The following STMN1 variants were observed in gnomAD, a reference collection of about 807,000 sequenced individuals.
STMN1 encodes the protein stathmin.
Under a neutral mutation model 19.7 loss-of-function variants are expected in STMN1, and 3 were observed. That is an observed-to-expected ratio of 0.15 (90% CI 0.07 to 0.39). STMN1 has a LOEUF of 0.39. Ranked by LOEUF, STMN1 falls within the 10% of genes least tolerant of loss-of-function variation. STMN1 has a pLI of 1.00. For synonymous variants in STMN1, 59 were observed against 58.9 expected, an observed-to-expected ratio of 1.00 and a Z score of -0.01; for missense variants, 99 against 176.0, an observed-to-expected ratio of 0.56 and a Z score of 2.48.
At chr1:25,885,622 C>G in exon 5 of STMN1, 1 of 1,414,118 alleles carries the variant, frequency 7.1e-7, no homozygotes. Context: ...TGCCTGACCC[C>G]AAAGGCTTTT....
At chr1:25,903,471 G>T in intron 3 of STMN1, 170 bp downstream of exon 3, 1 of 807,914 alleles carries the variant, frequency 1.2e-6, no homozygotes, top group Non-Finnish European at 1.9e-6. Flanking sequence ...ACAAAGGAGC[G>T]GGCATGTAAC....
chr1:25,906,803 C>T (rs569157540), upstream of STMN1: 80 of 152,794 alleles, frequency 5.2e-4, no homozygotes, highest in South Asian at 1.0e-3. The surrounding 1 kb of genome is among the most constrained non-coding windows in gnomAD (Gnocchi z 4.5). Flanking sequence ...CAAACTTTGG[C>T]CGCCTGGACT....
downstream of STMN1, among the ~76,000 whole-genome samples, chr1:25,899,687 T>G (rs1321292510): frequency 6.6e-6 from 1 of 152,192 alleles, no homozygotes; most frequent in Non-Finnish European, 1.5e-5. Flanking sequence ...ATGTTCTAAG[T>G]GTGCTCTCTT....
Position 25,903,795 on chromosome 1 carries a change from A to C in STMN1, c.32T>G (p.Leu11Arg). The change falls in exon 3 of 5, where the codon CTG becomes CGG. Residue 11 changes from leucine (L) to arginine (R), a missense_variant. Around this residue, in one of 3 missense-constraint regions of STMN1, gnomAD observed 37 missense variants for 57.9 expected, o/e 0.64. Coordinates refer to ENST00000455785, the MANE Select transcript of STMN1 (RefSeq NM_005563.4). MASSDIQVKE[L>R]EKRASGQAFE... ...AGCCTGGCCTGAGGCACGCTTCTCC[A>C]GTTCTTTCACCTGGATATCTAGAAT... 6.2e-7 allele frequency: 1 copy of C among 1,607,838 alleles called. No individual in the cohort carries two copies. Among genetic ancestry groups the C allele is most frequent in the Non-Finnish European group, 8.5e-7 (1 of 1,178,486 alleles).
rs201696246 is a variant in STMN1, at chr1:25,887,683, T to TTTTTG, written c.379-1819_379-1815dup. The TTTTTG allele has an allele frequency of 8.4e-4, 178 of 213,032 alleles. 1 individual carries two copies. Among genetic ancestry groups the TTTTTG allele is most frequent in the African/African-American group, 3.1e-3 (131 of 42,346 alleles). The allele number at this position is 213,032 out of a possible 1,614,324, so 13.2% of individuals were successfully genotyped here. A position where few individuals can be genotyped will look rare whatever the true frequency, so the allele number is the denominator to read the frequency against. ...CAATAAAGATGTGTTTTTTGGGGTT[T>TTTTTG]TTTTGTTTTGTTTTGTTTTTTTGAG... On this transcript the variant is annotated intron_variant, in intron 4 of 4. Transcript: ENST00000426559.
intron 4 of STMN1, among the ~76,000 whole-genome samples, chr1:25,886,147 G>A (rs1295802926): frequency 6.6e-6 from 1 of 152,190 alleles, no homozygotes; most frequent in Non-Finnish European, 1.5e-5. Flanking sequence ...AAGAGGTGGT[G>A]ATGACCTAGG....
At chr1:25,888,054 T>C (rs532033656) in intron 4 of STMN1, among the ~76,000 whole-genome samples, 6 of 152,292 alleles carry the variant, frequency 3.9e-5, no homozygotes, top group African/African-American at 1.4e-4. Context: ...AGTGAATTTC[T>C]GGAGTCAGAA....
intron 3 of STMN1, 151 bp downstream of exon 3, chr1:25,903,490 A>G (rs2048899102): frequency 1.9e-6 from 2 of 1,051,312 alleles, no homozygotes; most frequent in African/African-American, 3.2e-5. Context: ...ACAGGAGTTC[A>G]ATAAATGAGG....
downstream of STMN1, among the ~76,000 whole-genome samples, chr1:25,896,764 G>A (rs1291025680): frequency 6.6e-6 from 1 of 152,196 alleles, no homozygotes; most frequent in East Asian, 1.9e-4. Context: ...ACCAGCTTCT[G>A]CTGGCAGAGG....
At chr1:25,901,442 T>C in intron 4 of STMN1, 49 bp downstream of exon 4, 2 of 1,551,544 alleles carry the variant, frequency 1.3e-6, no homozygotes, top group Non-Finnish European at 1.7e-6. Flanking sequence ...GCCAACTCAT[T>C]GGTGCATCAA....
rs1557482674 is a variant in STMN1, at chr1:25,900,339, T to G, written c.*677A>C. 1.0e-6 allele frequency: 1 copy of G among 985,656 alleles called. No individual in the cohort carries two copies. 61.1% of individuals were successfully genotyped at this position (985,656 alleles called of 1,614,324 possible). On this transcript the variant is annotated 3_prime_UTR_variant, in exon 5 of 5. Coordinates refer to ENST00000455785, the MANE Select transcript of STMN1 (RefSeq NM_005563.4). ...AAAAATGGTTGTTTGCAAATAAACATCTGAAAGAAAGTAACAGCTGACCTG... is the reference window on the plus strand; with the variant it reads ...AAAAATGGTTGTTTGCAAATAAACAGCTGAAAGAAAGTAACAGCTGACCTG...
At chr1:25,905,898 A>AC (rs2048938426) in intron 1 of STMN1, 1 of 152,256 alleles carries the variant, frequency 6.6e-6, no homozygotes, top group African/African-American at 2.4e-5. Flanking sequence ...AAGACAGAAG[A>AC]ACCCTCGTGG....
At chr1:25,890,675 G>A (rs2048765897) in intron 4 of STMN1, among the ~76,000 whole-genome samples, 1 of 152,218 alleles carries the variant, frequency 6.6e-6, no homozygotes, top group African/African-American at 2.4e-5. Context: ...TAGTCATCTA[G>A]CTGCTGTTAC....
At chr1:25,898,828 C>CG (rs1489912401), downstream of STMN1, among the ~76,000 whole-genome samples, 1 of 152,200 alleles carries the variant, frequency 6.6e-6, no homozygotes, top group Non-Finnish European at 1.5e-5. Flanking sequence ...ATGCCGGGCC[C>CG]GGGAATGCAT....
downstream of STMN1, among the ~76,000 whole-genome samples, chr1:25,897,231 TG>T (rs2124240251): frequency 6.7e-6 from 1 of 150,304 alleles, no homozygotes; most frequent in Admixed American, 6.7e-5. Flanking sequence ...GAGAATCGCT[TG>T]AACTGGGGAG....
chr1:25,896,665 CT>C (rs2048820425), downstream of STMN1, among the ~76,000 whole-genome samples: 1 of 152,194 alleles, frequency 6.6e-6, no homozygotes, highest in African/African-American at 2.4e-5. Flanking sequence ...CATTTTGGAG[CT>C]CATCAAACCC....
In STMN1 at chr1:25,900,604, A is replaced by G. The variant is rs1346865031; in HGVS notation, c.*412T>C. On this transcript the variant is annotated 3_prime_UTR_variant, in exon 5 of 5. Coordinates refer to ENST00000455785, the MANE Select transcript of STMN1 (RefSeq NM_005563.4). ...GCAGTTTTATTAACCATTCAAGTCCAGTAGCATCTGGTAAGATTGGGACAG... is the reference window on the plus strand; with the variant it reads ...GCAGTTTTATTAACCATTCAAGTCCGGTAGCATCTGGTAAGATTGGGACAG... 2 of 990,494 alleles carry G rather than the reference A, an allele frequency of 2.0e-6. No homozygotes were observed. The highest frequency in any genetic ancestry group is 2.4e-6 in the Non-Finnish European group (2 of 833,226). 61.4% of individuals were successfully genotyped at this position (990,494 alleles called of 1,614,324 possible). A position where few individuals can be genotyped will look rare whatever the true frequency, so the allele number is the denominator to read the frequency against.
At chr1:25,884,924 T>G (rs1360044378), downstream of STMN1, 1 of 153,602 alleles carries the variant, frequency 6.5e-6, no homozygotes, top group African/African-American at 2.4e-5. Context: ...GAGATGCTCC[T>G]GTAGCTTTTC....
chr1:25,902,596 TG>T (rs1248096615), intron 3 of STMN1: 4 of 152,246 alleles, frequency 2.6e-5, no homozygotes, highest in African/African-American at 9.6e-5. Context: ...CATCTGACAC[TG>T]GTTCTATTGA....
Sources: gnomAD v4.1 joint callset for allele counts (sites outside exome capture counted in the v4.1 genomes callset) on GRCh38, gnomAD v4.1.1 for gene constraint, gnomAD v4.1.1 regional missense constraint, Gnocchi (gnomAD v3.1) non-coding constraint, MANE v1.5 for transcripts, NCBI Gene and HGNC (gene_info 2026-07-23, HGNC 2026-07-21) for gene names.